POLA1: variants seen among roughly 807,000 people sequenced by gnomAD.
POLA1 encodes the protein DNA polymerase alpha catalytic subunit.
POLA1 carries 15 observed loss-of-function variants against 124.0 expected under a neutral mutation model. The ratio of observed to expected loss-of-function variants is 0.12; its 90% CI spans 0.08 to 0.19. The LOEUF is 0.19. POLA1 is among the 10% of genes least tolerant of loss of function. The pLI is 1.00. For missense variants in POLA1, 886 were observed against 1,103.4 expected (o/e 0.80, Z 2.79); for synonymous variants, 408 against 389.4 (o/e 1.05, Z -0.56).
intron 26 of POLA1, among the ~76,000 whole-genome samples, chrX:24,801,407 T>A (rs1298671516): frequency 8.9e-6 from 1 of 111,849 alleles, no homozygotes; most frequent in Non-Finnish European, 1.9e-5. Flanking sequence ...AAATAAATAT[T>A]TATTGAATTA....
intron 36 of POLA1, among the ~76,000 whole-genome samples, chrX:24,954,245 A>C: frequency 8.9e-6 from 1 of 112,299 alleles, no homozygotes; most frequent in East Asian, 2.8e-4. Flanking sequence ...TTGAATTTTT[A>C]GTGAGAAAAG....
intron 26 of POLA1, chrX:24,789,210 A>G (rs1288337765): frequency 3.8e-6 from 2 of 527,494 alleles, no homozygotes; most frequent in Non-Finnish European, 6.3e-6. Flanking sequence ...GAAAGGAAGA[A>G]GTTAAACTGT....
chrX:24,776,630 A>G (rs1222945222), intron 26 of POLA1, among the ~76,000 whole-genome samples: 1 of 112,145 alleles, frequency 8.9e-6, no homozygotes, highest in East Asian at 2.8e-4. Flanking sequence ...GTCACAGAGC[A>G]TGGGGCCTCA....
At chrX:24,713,392 G>A (rs1454198233) in intron 4 of POLA1, among the ~76,000 whole-genome samples, 1 of 111,745 alleles carries the variant, frequency 8.9e-6, no homozygotes, top group Non-Finnish European at 1.9e-5. Context: ...ATAGCCGTAA[G>A]AGAAAACATA....
chrX:24,958,810 T>G (rs1450094295), intron 36 of POLA1, among the ~76,000 whole-genome samples: 1 of 111,563 alleles, frequency 9.0e-6, no homozygotes, highest in African/African-American at 3.3e-5. Flanking sequence ...CTGAAAACAT[T>G]GGTTTATCGA....
intron 35 of POLA1, among the ~76,000 whole-genome samples, chrX:24,906,148 A>G (rs1266681271): frequency 8.9e-6 from 1 of 112,221 alleles, no homozygotes; most frequent in East Asian, 2.8e-4. Flanking sequence ...CAGCAATCCC[A>G]CTGCTGGGTA....
chrX:24,972,305 T>C (rs1351963800), intron 36 of POLA1, among the ~76,000 whole-genome samples: 1 of 112,137 alleles, frequency 8.9e-6, no homozygotes, highest in Non-Finnish European at 1.9e-5. Flanking sequence ...TAGAACCTGA[T>C]AGTTTGTTTA....
intron 36 of POLA1, among the ~76,000 whole-genome samples, chrX:24,939,727 G>A (rs1300821102): frequency 9.0e-6 from 1 of 111,605 alleles, no homozygotes; most frequent in African/African-American, 3.3e-5. Flanking sequence ...TGTGGTATGG[G>A]TAAGATAGAC....
At chrX:24,848,874 A>T (rs982551848) in intron 34 of POLA1, among the ~76,000 whole-genome samples, 1 of 112,495 alleles carries the variant, frequency 8.9e-6, no homozygotes, top group African/African-American at 3.2e-5. Flanking sequence ...TCACTTCTCA[A>T]CAGAGCTATC....
chrX:24,787,356 T>C (rs1483081708), intron 26 of POLA1, among the ~76,000 whole-genome samples: 2 of 111,826 alleles, frequency 1.8e-5, no homozygotes, highest in African/African-American at 3.3e-5. Context: ...AGTCTTACAT[T>C]TAAGTTTTAG....
intron 32 of POLA1, among the ~76,000 whole-genome samples, chrX:24,838,981 G>T (rs1291406225): frequency 1.8e-5 from 2 of 111,819 alleles, no homozygotes; most frequent in Non-Finnish European, 3.8e-5. Flanking sequence ...TAAGTTTGGG[G>T]CTTATTTAAC....
intron 34 of POLA1, among the ~76,000 whole-genome samples, chrX:24,850,209 A>T (rs939482732): frequency 8.0e-5 from 9 of 112,513 alleles, no homozygotes; most frequent in Non-Finnish European, 1.5e-4. Context: ...TTTTGCTGCT[A>T]TGCCATGGCA....
chrX:24,797,424 T>C (rs191386351), intron 26 of POLA1, among the ~76,000 whole-genome samples: 73 of 111,956 alleles, frequency 6.5e-4, no homozygotes, highest in Non-Finnish European at 1.2e-3. Context: ...CTTCCCCTTA[T>C]ACATTATCTG....
intron 35 of POLA1, among the ~76,000 whole-genome samples, chrX:24,922,116 C>T (rs2047625465): frequency 9.0e-6 from 1 of 111,000 alleles, no homozygotes; most frequent in African/African-American, 3.3e-5. Flanking sequence ...TTGTGTCACC[C>T]ACATTGGAGT....
intron 36 of POLA1, among the ~76,000 whole-genome samples, chrX:24,938,542 T>G (rs981936081): frequency 1.8e-5 from 2 of 112,548 alleles, no homozygotes; most frequent in African/African-American, 3.2e-5. Flanking sequence ...TTTAGTAGTA[T>G]TTTATAAAGA....
intron 18 of POLA1, among the ~76,000 whole-genome samples, chrX:24,736,336 A>G (rs1157138784): frequency 8.9e-6 from 1 of 111,758 alleles, no homozygotes; most frequent in Non-Finnish European, 1.9e-5. Flanking sequence ...TTCCCTTATG[A>G]TATTTCAAGA....
intron 36 of POLA1, among the ~76,000 whole-genome samples, chrX:24,960,429 C>A (rs1351007735): frequency 9.0e-6 from 1 of 111,468 alleles, no homozygotes; most frequent in African/African-American, 3.3e-5. Flanking sequence ...CTTCGAGGAC[C>A]CAGCCCCCAC....
Position 24,995,916 on chromosome X carries a change from G to T in POLA1, c.4373G>T (p.Ser1458Ile). 1 of 1,210,825 alleles carries T rather than the reference G, an allele frequency of 8.3e-7. No homozygotes were observed. Residue 1458 changes from serine to isoleucine, a missense_variant, in exon 37 of 37, where the codon AGC becomes ATC. Transcript: ENST00000379068. Reference protein sequence around the residue: ...SRSGYSEVNLSKLFAGCAVKS With the variant: ...SRSGYSEVNLIKLFAGCAVKS ...AGTGGCTACTCCGAAGTGAATCTGA[G>T]CAAACTCTTCGCTGGTTGTGCCGTG...
chrX:24,725,057 TCAAGTCTTTATAATTCTAGAAG>T (rs1333424046), intron 12 of POLA1, among the ~76,000 whole-genome samples: 2 of 111,384 alleles, frequency 1.8e-5, no homozygotes, highest in African/African-American at 6.5e-5. Context: ...CGCTGATGAG[TCAAGTCTTTATAATTCTAGAAG>T]CAATTGTGAT....
Sources: gnomAD v4.1 joint callset for allele counts (sites outside exome capture counted in the v4.1 genomes callset) on GRCh38, gnomAD v4.1.1 for gene constraint, MANE v1.5 for transcripts, NCBI Gene and HGNC (gene_info 2026-07-23, HGNC 2026-07-21) for gene names.